CHRNE: variants seen among roughly 807,000 people sequenced by gnomAD.
The protein encoded by CHRNE is cholinergic receptor nicotinic epsilon subunit.
Under a neutral mutation model 56.5 loss-of-function variants are expected in CHRNE, and 58 were observed. That is an observed-to-expected ratio of 1.03 (90% confidence interval 0.83 to 1.28). CHRNE has a LOEUF of 1.28. Ranked by LOEUF, CHRNE falls within the 50% of genes most tolerant of loss-of-function variation. The pLI is 0.00. For missense variants in CHRNE, 793 were observed against 688.9 expected (o/e 1.15, Z -1.69); for synonymous variants, 385 against 297.9 (o/e 1.29, Z -3.01).
rs1392880905 is a variant in CHRNE at position 4,899,524 on chromosome 17, G to C, written c.976C>G (p.Leu326Val). The change falls in exon 9 of 12, where the codon CTC (leucine) becomes GTC (valine). Residue 326 changes from leucine (L) to valine (V), a missense_variant. Leu to Val is a conservative substitution (Grantham distance 32). Coordinates refer to ENST00000649488, the MANE Select transcript of CHRNE (RefSeq NM_000080.4). ...GTGGGCGTCCGCTGGGACACGTTGA[G>C]CACGATGACGCAATTCATGACAATG... ...TLIVMNCVIV[L>V]NVSQRTPTTH... 1 of 1,604,474 alleles carries C rather than the reference G, an allele frequency of 6.2e-7. No individual in the cohort carries two copies. The highest frequency in any genetic ancestry group is 8.5e-7 in the Non-Finnish European group (1 of 1,176,668).
chr17:4,900,674 G>A (rs1969950943), intron 8 of CHRNE, 119 bp downstream of exon 8: 2 of 1,448,112 alleles, frequency 1.4e-6, no homozygotes, highest in Non-Finnish European at 1.9e-6. Context: ...GCCCCACCCA[G>A]CGTCCGAATA....
Position 4,898,102 on chromosome 17 carries a change from T to C in CHRNE, c.*634A>G, listed in dbSNP as rs1478614317. 2 of 159,396 alleles carry C rather than the reference T, an allele frequency of 1.3e-5. No homozygotes were observed. The highest frequency in any genetic ancestry group is 2.8e-5 in the Non-Finnish European group (2 of 72,496). 9.9% of individuals were successfully genotyped at this position (159,396 alleles called of 1,614,324 possible). Reference sequence around the variant, plus strand: ...CTTGCTTTCTGTCAGTACTGTAGACTAGGCAGAGAGAGCCTCCAGGGTGGG... The same window carrying C: ...CTTGCTTTCTGTCAGTACTGTAGACCAGGCAGAGAGAGCCTCCAGGGTGGG... On this transcript the variant is annotated 3_prime_UTR_variant, in exon 12 of 12. Transcript: ENST00000649488.
In CHRNE at chr17:4,898,052, G is replaced by C. The variant is rs1434098016; in HGVS notation, c.*684C>G. Reference sequence around the variant, plus strand: ...TTTGTTAATAAAGACAATTCAACCAGCTCCCACCATGCAGGCCGCATGTCC... The same window carrying C: ...TTTGTTAATAAAGACAATTCAACCACCTCCCACCATGCAGGCCGCATGTCC... On this transcript the variant is annotated 3_prime_UTR_variant, in exon 12 of 12. Coordinates refer to ENST00000649488, the MANE Select transcript of CHRNE (RefSeq NM_000080.4). The C allele has an allele frequency of 7.0e-6, 1 of 141,924 alleles. No homozygotes were observed. 8.8% of individuals were successfully genotyped at this position (141,924 alleles called of 1,614,324 possible).
At chr17:4,907,885 T>C (rs973053345), upstream of CHRNE, among the ~76,000 whole-genome samples, 7 of 151,618 alleles carry the variant, frequency 4.6e-5, no homozygotes, top group Non-Finnish European at 1.0e-4. Context: ...CTACTAAAAA[T>C]AGAAAACTTA....
chr17:4,906,421 T>C (rs1239994917), upstream of CHRNE, among the ~76,000 whole-genome samples: 4 of 152,160 alleles, frequency 2.6e-5, no homozygotes, highest in African/African-American at 2.4e-5. Flanking sequence ...ATACAGTTAA[T>C]ATAAATTCAC....
intron 8 of CHRNE, chr17:4,900,533 G>A: frequency 1.3e-6 from 2 of 1,550,706 alleles, no homozygotes; most frequent in Non-Finnish European, 1.7e-6. Flanking sequence ...GGGTGAGTTA[G>A]GGGCCAGAGG....
At chr17:4,900,757 A>AC in intron 8 of CHRNE, 36 bp downstream of exon 8, 1 of 1,590,570 alleles carries the variant, frequency 6.3e-7, no homozygotes, top group Non-Finnish European at 8.6e-7. Flanking sequence ...CCCACCCTTC[A>AC]CACTGGCCAC....
In CHRNE at chr17:4,898,793, G is replaced by A. The variant is rs151193377; in HGVS notation, c.1425C>T (p.Leu475=). The part of the protein sequence containing the change: ...LFSVGSSLIF[L]GAYFNRVPDL... ...CAGGCACTCGGTTGAAGTAGGCCCC[G>A]AGGAAGATGAGGCTGGAGCCCACGC... Residue 475 remains leucine, a synonymous_variant, in exon 12 of 12, where the codon CTC becomes CTT. Transcript: ENST00000649488. 541 of 1,608,098 alleles carry A rather than the reference G, an allele frequency of 3.4e-4. 4 individuals are homozygous for A. The African/African-American group carries it at 6.3e-3, about 19-fold the overall frequency.
chr17:4,900,026 T>A, intron 8 of CHRNE: 1 of 1,551,444 alleles, frequency 6.4e-7, no homozygotes. Flanking sequence ...AGAGCTGAAG[T>A]CCCTGGAGCC....
Position 4,902,940 on chromosome 17 carries a change from G to A in CHRNE, c.46+78C>T, listed in dbSNP as rs1028420645. The A allele has an allele frequency of 6.3e-7, 1 of 1,598,718 alleles. No individual in the cohort carries two copies. On this transcript the variant is annotated intron_variant, in intron 1 of 11. Coordinates refer to ENST00000649488, the MANE Select transcript of CHRNE (RefSeq NM_000080.4). This position sits in a 1 kb window ranked among gnomAD's most constrained non-coding sequence, Gnocchi z 4.0. ...ATACTGTGTCTAAGTCTCCATCTTG[G>A]TCTCTGTCTTTGTCTTCCCAGTCCC... is the stretch of plus-strand genomic sequence containing the variant.
intron 6 of CHRNE, 47 bp downstream of exon 6, chr17:4,901,478 T>C (rs1308421874): frequency 6.4e-7 from 1 of 1,574,714 alleles, no homozygotes; most frequent in Non-Finnish European, 8.7e-7. Flanking sequence ...GTCCCCTCTC[T>C]GGACCCCGTC....
upstream of CHRNE, among the ~76,000 whole-genome samples, chr17:4,904,978 C>T (rs2151100293): frequency 6.6e-6 from 1 of 152,334 alleles, no homozygotes; most frequent in Non-Finnish European, 1.5e-5. Context: ...GACTAAGTCT[C>T]AAATCTGTGC....
chr17:4,907,948 G>A (rs7208208), upstream of CHRNE, among the ~76,000 whole-genome samples: 12 of 152,006 alleles, frequency 7.9e-5, no homozygotes, highest in African/African-American at 2.4e-4. Flanking sequence ...AGGCCGAGGC[G>A]GGCGGATCAC....
Position 4,901,012 on chromosome 17 carries a change from G to A in CHRNE, c.780C>T (p.Leu260=), listed in dbSNP as rs766792066. The A allele has an allele frequency of 5.9e-5, 95 of 1,613,846 alleles. No individual in the cohort carries two copies. The highest frequency in any genetic ancestry group is 3.3e-4 in the Middle Eastern group (2 of 6,084). ...TACCCTGCGCCGGCAGGAAGTAGGCGAGCAGCACCAGGCCCGAGATGAGCA... is the reference window on the plus strand; with the variant it reads ...TACCCTGCGCCGGCAGGAAGTAGGCAAGCAGCACCAGGCCCGAGATGAGCA... ...PCVLISGLVL[L]AYFLPAQAGG... The change falls in exon 7 of 12, where the codon CTC becomes CTT. Residue 260 remains leucine (L), a synonymous_variant. Transcript: ENST00000649488.
chr17:4,908,002 C>T (rs939731942), upstream of CHRNE, among the ~76,000 whole-genome samples: 2 of 152,192 alleles, frequency 1.3e-5, no homozygotes, highest in Admixed American at 1.3e-4. Flanking sequence ...TGGTGAAACC[C>T]CGTCTCTACT....
upstream of CHRNE, among the ~76,000 whole-genome samples, chr17:4,905,077 C>A (rs1567641235): frequency 6.6e-6 from 1 of 152,224 alleles, no homozygotes. Context: ...TGGACACCTA[C>A]AAAGTTCCCC....
Position 4,900,805 on chromosome 17 carries a change from G to A in CHRNE, c.905C>T (p.Pro302Leu), listed in dbSNP as rs370019023. Residue 302 changes from proline to leucine, a missense_variant, in exon 8 of 12, where the codon CCG becomes CTG. Physicochemically the swap from Pro to Leu is moderately conservative, Grantham distance 98. Coordinates refer to ENST00000649488, the MANE Select transcript of CHRNE (RefSeq NM_000080.4). ...QKIPETSLSV[P>L]LLGRFLIFVM... ...GCTCCGGCTTCACCTGCCCAGGAGCGGCACGCTCAGAGAAGTCTCTGGGAT... is the reference window on the plus strand; with the variant it reads ...GCTCCGGCTTCACCTGCCCAGGAGCAGCACGCTCAGAGAAGTCTCTGGGAT... 3.7e-6 allele frequency: 6 copies of A among 1,613,814 alleles called. 1 individual carries two copies. The highest frequency in any genetic ancestry group is 1.3e-5 in the African/African-American group (1 of 75,052).
rs1555546765 is a variant in CHRNE, at chr17:4,901,028, G to A, written c.764C>T (p.Ser255Leu). 2 of 1,614,038 alleles carry A rather than the reference G, an allele frequency of 1.2e-6. No homozygotes were observed. Among genetic ancestry groups the A allele is most frequent in the South Asian group, 1.1e-5 (1 of 91,090 alleles). ...GAAGTAGGCGAGCAGCACCAGGCCC[G>A]AGATGAGCACACAGGGCACGATGAT... ...INIIVPCVLISGLVLLAYFLP... is the reference protein window; with the variant it reads ...INIIVPCVLILGLVLLAYFLP... The change falls in exon 7 of 12, where the codon TCG (serine) becomes TTG (leucine). Residue 255 changes from serine (S) to leucine (L), a missense_variant. Coordinates refer to ENST00000649488, the MANE Select transcript of CHRNE (RefSeq NM_000080.4).
intron 8 of CHRNE, chr17:4,900,114 G>A: frequency 1.3e-6 from 2 of 1,550,794 alleles, no homozygotes; most frequent in Non-Finnish European, 1.7e-6. Flanking sequence ...GCCACAGCCA[G>A]CCTCGTGAGC....
Sources: gnomAD v4.1 joint callset for allele counts (sites outside exome capture counted in the v4.1 genomes callset) on GRCh38, gnomAD v4.1.1 for gene constraint, Gnocchi (gnomAD v3.1) non-coding constraint, MANE v1.5 for transcripts, NCBI Gene and HGNC (gene_info 2026-07-23, HGNC 2026-07-21) for gene names.